Variants in SPSB4 observed in about 807,000 individuals in gnomAD.
The protein encoded by SPSB4 is SPRY domain-containing SOCS box protein 4.
Under a neutral mutation model 20.9 loss-of-function variants are expected in SPSB4, and 21 were observed. The ratio of observed to expected loss-of-function variants is 1.01; its 90% CI spans 0.71 to 1.45. The LOEUF (loss-of-function observed/expected upper bound fraction) is 1.45, where lower values mean the gene tolerates loss of function less well. Ranked by LOEUF, SPSB4 falls within the 40% of genes most tolerant of loss-of-function variation. The pLI is 0.00. For synonymous variants in SPSB4, 207 were observed against 183.8 expected (o/e 1.13, Z -1.02); for missense variants, 399 against 399.2 (o/e 1.00, Z 0.00).
chr3:141,142,278 C>A (rs1474135598), intron 2 of SPSB4, among the ~76,000 whole-genome samples: 1 of 152,166 alleles, frequency 6.6e-6, no homozygotes, highest in African/African-American at 2.4e-5. Flanking sequence ...TTTACATTTC[C>A]ATCTTGATTT....
At chr3:141,052,420 T>C (rs1936110265) in intron 1 of SPSB4, among the ~76,000 whole-genome samples, 1 of 152,214 alleles carries the variant, frequency 6.6e-6, no homozygotes, top group African/African-American at 2.4e-5. Flanking sequence ...TAGGTAGACA[T>C]GTGCTGGGCA....
intron 2 of SPSB4, among the ~76,000 whole-genome samples, chr3:141,069,070 G>C (rs1261635140): frequency 1.3e-5 from 2 of 152,228 alleles, no homozygotes; most frequent in Non-Finnish European, 2.9e-5. Context: ...AGAGAGGCCA[G>C]ATGTCATGGG....
rs368853639 is a variant in SPSB4, at chr3:141,077,779, A to G, written c.694+10981A>G. On this transcript the variant is annotated intron_variant, in intron 2 of 2. Coordinates refer to ENST00000310546, the MANE Select transcript of SPSB4 (RefSeq NM_080862.3). Reference sequence around the variant, plus strand: ...TATGCAGAGGCCAGGCCAGGTGCCAACAGTGGGAGTGGGCTGTTTAGTGAG... The same window carrying G: ...TATGCAGAGGCCAGGCCAGGTGCCAGCAGTGGGAGTGGGCTGTTTAGTGAG... Among the ~76,000 whole-genome samples, 229 of 152,338 alleles carry G rather than the reference A, an allele frequency of 1.5e-3. 3 individuals carry two copies. The highest frequency in any genetic ancestry group is 5.4e-3 in the African/African-American group (223 of 41,586).
At chr3:141,146,456 A>G (rs1369028928) in intron 2 of SPSB4, among the ~76,000 whole-genome samples, 2 of 152,080 alleles carry the variant, frequency 1.3e-5, no homozygotes, top group Non-Finnish European at 2.9e-5. Flanking sequence ...TTCCATCATG[A>G]CCTGAAGTGA....
At chr3:141,099,783 C>T (rs1256463808) in intron 2 of SPSB4, among the ~76,000 whole-genome samples, 2 of 152,198 alleles carry the variant, frequency 1.3e-5, no homozygotes, top group Non-Finnish European at 2.9e-5. Context: ...AAGAACAAGA[C>T]ATCGTGGCAC....
At chr3:141,124,979 G>A (rs1232297430) in intron 2 of SPSB4, among the ~76,000 whole-genome samples, 2 of 152,114 alleles carry the variant, frequency 1.3e-5, no homozygotes, top group Non-Finnish European at 2.9e-5. Context: ...GGCTAACGAG[G>A]GTCCCAGACA....
chr3:141,097,503 C>G (rs11714307), intron 2 of SPSB4, among the ~76,000 whole-genome samples: 13,760 of 152,224 alleles, frequency 0.09, 629 homozygotes, highest in South Asian at 0.16. Flanking sequence ...GGTGATCCAC[C>G]CGCCTCAGCC....
At position 141,083,807 on chromosome 3, in the gene SPSB4, A is replaced by C. The variant is rs369904602; in HGVS notation, c.694+17009A>C. Among the ~76,000 whole-genome samples, 76 of 151,942 alleles carry C rather than the reference A, an allele frequency of 5.0e-4. 1 individual carries two copies. Among genetic ancestry groups the C allele is most frequent in the African/African-American group, 1.7e-3 (72 of 41,400 alleles). ...TGAAGGGGGTCTGTGGGGTCTTTAT[A>C]AGGCATGGCCCCTTCTTAGTGAGCA... On this transcript the variant is annotated intron_variant, in intron 2 of 2. Transcript: ENST00000310546.
intron 2 of SPSB4, among the ~76,000 whole-genome samples, chr3:141,083,302 T>C (rs1938276136): frequency 6.6e-6 from 1 of 152,166 alleles, no homozygotes; most frequent in South Asian, 2.1e-4. Context: ...CCATGGGGAC[T>C]GTGTACTGTG....
intron 2 of SPSB4, among the ~76,000 whole-genome samples, chr3:141,143,109 C>G (rs1266669272): frequency 6.6e-6 from 1 of 152,134 alleles, no homozygotes; most frequent in Non-Finnish European, 1.5e-5. Context: ...AGCCACCACG[C>G]TTGGCCCCCT....
At chr3:141,097,750 CCCACAGAG>C (rs75121414) in intron 2 of SPSB4, among the ~76,000 whole-genome samples, 15,145 of 151,962 alleles carry the variant, frequency 0.1, 806 homozygotes, top group East Asian at 0.14. Context: ...TGTGGCTGGT[CCCACAGAG>C]CAAAAGGTCA....
chr3:141,141,557 AG>A (rs1939329864), intron 2 of SPSB4, among the ~76,000 whole-genome samples: 1 of 152,200 alleles, frequency 6.6e-6, no homozygotes, highest in Non-Finnish European at 1.5e-5. Flanking sequence ...GACACAGAAG[AG>A]GGAGATGATC....
At chr3:141,132,212 G>C (rs1939144358) in intron 2 of SPSB4, 1 of 426,694 alleles carries the variant, frequency 2.3e-6, no homozygotes, top group Admixed American at 2.6e-5. Context: ...CGGTTGCCCT[G>C]GCCAAAGTGC....
intron 2 of SPSB4, among the ~76,000 whole-genome samples, chr3:141,131,162 C>T (rs958055048): frequency 2.0e-5 from 3 of 152,118 alleles, no homozygotes; most frequent in Admixed American, 2.0e-4. Context: ...GGAGGTGTTG[C>T]TATCCCCATT....
intron 2 of SPSB4, among the ~76,000 whole-genome samples, chr3:141,089,186 T>G (rs1182664706): frequency 1.3e-5 from 2 of 151,976 alleles, no homozygotes; most frequent in African/African-American, 4.8e-5. Context: ...AAGGAAGGGG[T>G]GTGTGTGACA....
At chr3:141,110,431 T>G (rs1052904904) in intron 2 of SPSB4, among the ~76,000 whole-genome samples, 4 of 152,214 alleles carry the variant, frequency 2.6e-5, no homozygotes, top group African/African-American at 9.6e-5. Flanking sequence ...GCCTTGGAGC[T>G]TTATATGTAC....
At chr3:141,138,648 A>ATCACTCAATT (rs1939271104) in intron 2 of SPSB4, among the ~76,000 whole-genome samples, 1 of 152,010 alleles carries the variant, frequency 6.6e-6, no homozygotes, top group Non-Finnish European at 1.5e-5. Context: ...AGTGGTTTTG[A>ATCACTCAATT]GTGAGTTTCT....
intron 1 of SPSB4, among the ~76,000 whole-genome samples, chr3:141,065,665 G>A (rs533004732): frequency 2.5e-4 from 38 of 152,302 alleles, no homozygotes; most frequent in Non-Finnish European, 3.7e-4. Context: ...GTGGGACTTC[G>A]GCTAATCGCT....
chr3:141,130,514 T>C (rs1939116046), intron 2 of SPSB4, among the ~76,000 whole-genome samples: 1 of 152,248 alleles, frequency 6.6e-6, no homozygotes. Flanking sequence ...CTTTCAGGGC[T>C]GTCACTCAAA....
Sources: allele counts gnomAD v4.1 joint callset (sites outside exome capture counted in the v4.1 genomes callset), GRCh38; gene constraint gnomAD v4.1.1; transcripts MANE v1.5; gene names NCBI Gene and HGNC (gene_info 2026-07-23, HGNC 2026-07-21).